The following CACNA2D4 variants were observed in gnomAD, a reference collection of about 807,000 sequenced individuals.
CACNA2D4 encodes calcium voltage-gated channel auxiliary subunit alpha2delta 4, also known as voltage-dependent calcium channel subunit alpha-2/delta-4.
In CACNA2D4, 157 loss-of-function variants were observed where a neutral mutation model predicts 163.8. The observed-to-expected ratio is 0.96, with a 90% confidence interval of 0.84 to 1.09. The LOEUF is 1.09. Ranked by LOEUF, CACNA2D4 falls within the 50% of genes least tolerant of loss-of-function variation. The pLI, the probability that CACNA2D4 is intolerant of heterozygous loss-of-function variation, is 0.00. For missense variants in CACNA2D4, 1,410 were observed against 1,479.9 expected (o/e 0.95, Z 0.78); for synonymous variants, 598 against 586.9 (o/e 1.02, Z -0.27).
chr12:1,877,375 G>T (rs567339339), intron 16 of CACNA2D4, among the ~76,000 whole-genome samples: 1 of 152,314 alleles, frequency 6.6e-6, no homozygotes, highest in South Asian at 2.1e-4. Context: ...TTGGTACAAG[G>T]GAGTGACATG....
intron 12 of CACNA2D4, 198 bp downstream of exon 12, chr12:1,884,045 A>G (rs1385307108): frequency 7.3e-6 from 4 of 548,724 alleles, no homozygotes; most frequent in Non-Finnish European, 1.3e-5. Context: ...GAATGGGGGC[A>G]GGATGGAGAC....
Position 1,834,962 on chromosome 12 carries a change from G to C in CACNA2D4, c.2551+5777C>G, listed in dbSNP as rs1755939019. The stretch of plus-strand genomic sequence containing the variant: ...GGCCAGTAAATCTTTGGAACATGTG[G>C]GGGATCTCCCTAAGCTCTGGCCACA... On this transcript the variant is annotated intron_variant, in intron 26 of 37. Coordinates refer to ENST00000382722, the MANE Select transcript of CACNA2D4 (RefSeq NM_172364.5). This position sits in a 1 kb window ranked among gnomAD's most constrained non-coding sequence, Gnocchi z 7.6. 1.4e-6 allele frequency: 1 copy of C among 690,304 alleles called. No homozygotes were observed. Among genetic ancestry groups the C allele is most frequent in the Non-Finnish European group, 2.3e-6 (1 of 435,620 alleles). 42.8% of individuals were successfully genotyped at this position (690,304 alleles called of 1,614,324 possible). A position where few individuals can be genotyped will look rare whatever the true frequency, so the allele number is the denominator to read the frequency against.
chr12:1,918,556 C>T lies in CACNA2D4; in HGVS notation c.-83G>A, dbSNP rs1398819325. 9.3e-7 allele frequency: 1 copy of T among 1,070,994 alleles called. No individual in the cohort carries two copies. Among genetic ancestry groups the T allele is most frequent in the Non-Finnish European group, 1.4e-6 (1 of 732,360 alleles). 66.3% of individuals were successfully genotyped at this position (1,070,994 alleles called of 1,614,324 possible). ...CCTTGGCGAGCCTGGGGTCTCCAGC[C>T]TCTCAGTCCTGGGTGGGGAGGGCTT... On this transcript the variant is annotated 5_prime_UTR_variant, in exon 1 of 38. Coordinates refer to ENST00000382722, the MANE Select transcript of CACNA2D4 (RefSeq NM_172364.5).
chr12:1,797,410 G>A lies in CACNA2D4; in HGVS notation c.3113+8C>T. 1 of 1,526,094 alleles carries A rather than the reference G, an allele frequency of 6.6e-7. No homozygotes were observed. Among genetic ancestry groups the A allele is most frequent in the Non-Finnish European group, 8.8e-7 (1 of 1,136,720 alleles). The allele number at this position is 1,526,094 out of a possible 1,614,324, so 94.5% of individuals were successfully genotyped here. A position where few individuals can be genotyped will look rare whatever the true frequency, so the allele number is the denominator to read the frequency against. On this transcript the variant is annotated splice_region_variant and intron_variant, in intron 35 of 37. Coordinates refer to ENST00000382722, the MANE Select transcript of CACNA2D4 (RefSeq NM_172364.5). ...GGCGGGACGGGCGGCGCCGCCCTGC[G>A]GTCTTACTTCTGGCAGGGCCCGCAC...
At chr12:1,832,147 T>G (rs1214343778) in intron 26 of CACNA2D4, among the ~76,000 whole-genome samples, 1 of 152,232 alleles carries the variant, frequency 6.6e-6, no homozygotes, top group African/African-American at 2.4e-5. Flanking sequence ...TGTAATGACC[T>G]ATGACATGAT....
chr12:1,821,109 T>G (rs1051582580), intron 26 of CACNA2D4, among the ~76,000 whole-genome samples: 1 of 152,098 alleles, frequency 6.6e-6, no homozygotes. Context: ...CCGGGTGGCA[T>G]AGAAACCGGT....
chr12:1,853,428 C>A (rs1865331981), intron 23 of CACNA2D4, among the ~76,000 whole-genome samples: 1 of 151,558 alleles, frequency 6.6e-6, no homozygotes, highest in East Asian at 1.9e-4. Context: ...TTGACATCTT[C>A]ACAATGTTGA....
At chr12:1,899,969 T>C (rs1295041701) in intron 6 of CACNA2D4, among the ~76,000 whole-genome samples, 1 of 152,116 alleles carries the variant, frequency 6.6e-6, no homozygotes, top group Non-Finnish European at 1.5e-5. Flanking sequence ...TGGTTAACAT[T>C]AGAAAATTCA....
At chr12:1,797,977 C>T (rs1480073197) in intron 34 of CACNA2D4, among the ~76,000 whole-genome samples, 1 of 152,136 alleles carries the variant, frequency 6.6e-6, no homozygotes, top group Non-Finnish European at 1.5e-5. Context: ...AGTTCCTGGG[C>T]AATCCTGCCC....
intron 26 of CACNA2D4, among the ~76,000 whole-genome samples, chr12:1,821,524 G>T (rs774846223): frequency 1.3e-5 from 2 of 152,192 alleles, no homozygotes; most frequent in South Asian, 4.1e-4. Flanking sequence ...AACCAGGCCC[G>T]CGAGAACCTG....
chr12:1,910,071 G>A, intron 3 of CACNA2D4, 106 bp from the exon 4 acceptor site: 1 of 865,360 alleles, frequency 1.2e-6, no homozygotes, highest in Non-Finnish European at 1.9e-6. Context: ...ACTCCTGGGT[G>A]TATGCCCAGA....
intron 23 of CACNA2D4, among the ~76,000 whole-genome samples, chr12:1,850,228 C>G (rs952197909): frequency 2.0e-5 from 3 of 152,226 alleles, no homozygotes; most frequent in African/African-American, 7.2e-5. Flanking sequence ...GTTCTGCCAA[C>G]AGTGCACACT....
At chr12:1,838,723 C>A (rs1864945971) in intron 26 of CACNA2D4, among the ~76,000 whole-genome samples, 1 of 152,170 alleles carries the variant, frequency 6.6e-6, no homozygotes, top group Admixed American at 6.5e-5. Flanking sequence ...CAGGAAAGCA[C>A]AGCCAGCAGC....
rs1339778749 is a variant in CACNA2D4 at position 1,798,245 on chromosome 12, G to C, written c.2996-710C>G. ...TCCGTTCCCTCCCGGAGCCTCCTGAGGTGGGCACATGGCAGAGCAGGGCCC... is the reference window on the plus strand; with the variant it reads ...TCCGTTCCCTCCCGGAGCCTCCTGACGTGGGCACATGGCAGAGCAGGGCCC... On this transcript the variant is annotated intron_variant, in intron 34 of 37. Coordinates refer to ENST00000382722, the MANE Select transcript of CACNA2D4 (RefSeq NM_172364.5). This position sits in a 1 kb window ranked among gnomAD's most constrained non-coding sequence, Gnocchi z 4.3. 6.6e-6 allele frequency among the ~76,000 whole-genome samples: 1 copy of C among 152,232 alleles called. No homozygotes were observed. The highest frequency in any genetic ancestry group is 2.4e-5 in the African/African-American group (1 of 41,454).
At chr12:1,842,430 C>T (rs776249137) in intron 25 of CACNA2D4, among the ~76,000 whole-genome samples, 10 of 152,174 alleles carry the variant, frequency 6.6e-5, no homozygotes, top group Non-Finnish European at 1.3e-4. Context: ...CCTTGAAACG[C>T]GGTTGTTTTC....
chr12:1,838,109 G>T (rs1864924156), intron 26 of CACNA2D4, among the ~76,000 whole-genome samples: 1 of 152,242 alleles, frequency 6.6e-6, no homozygotes, highest in African/African-American at 2.4e-5. Flanking sequence ...GGAGGACATG[G>T]AGAATTGAAA....
At chr12:1,860,584 C>T (rs1307515135) in intron 18 of CACNA2D4, among the ~76,000 whole-genome samples, 1 of 152,160 alleles carries the variant, frequency 6.6e-6, no homozygotes, top group Non-Finnish European at 1.5e-5. Context: ...TTGGGCAGTG[C>T]TGATGTAGAC....
At chr12:1,897,959 C>A (rs973040125) in intron 6 of CACNA2D4, among the ~76,000 whole-genome samples, 1 of 152,110 alleles carries the variant, frequency 6.6e-6, no homozygotes, top group African/African-American at 2.4e-5. Context: ...TGATGTCATA[C>A]TCAGCCATTA....
rs370485654 is a variant in CACNA2D4 at position 1,865,678 on chromosome 12, G to A, written c.1879-5472C>T. Among the ~76,000 whole-genome samples the A allele has an allele frequency of 8.5e-5, 13 of 152,346 alleles. 1 individual carries two copies. The highest frequency in any genetic ancestry group is 3.3e-4 in the Admixed American group (5 of 15,310). Reference sequence around the variant, plus strand: ...CCCAGCAGCAGCAGCAGCACCAGGGGCAGCCGGGGGCTCCACCAGATGCAG... The same window carrying A: ...CCCAGCAGCAGCAGCAGCACCAGGGACAGCCGGGGGCTCCACCAGATGCAG... On this transcript the variant is annotated intron_variant, in intron 18 of 37. Transcript: ENST00000382722.
Sources: gnomAD v4.1 joint callset for allele counts (sites outside exome capture counted in the v4.1 genomes callset) on GRCh38, gnomAD v4.1.1 for gene constraint, Gnocchi (gnomAD v3.1) non-coding constraint, MANE v1.5 for transcripts, NCBI Gene and HGNC (gene_info 2026-07-23, HGNC 2026-07-21) for gene names.